Variants in MAP1LC3A observed in about 807,000 individuals in gnomAD.
The protein encoded by MAP1LC3A is microtubule-associated protein 1 light chain 3 alpha.
In MAP1LC3A, 10 loss-of-function variants were observed where a neutral mutation model predicts 15.2. The observed-to-expected ratio is 0.66, with a 90% CI of 0.41 to 1.12. The LOEUF is 1.12. MAP1LC3A is among the 50% of genes most tolerant of loss of function. The probability of loss-of-function intolerance (pLI) is 0.00; values close to 1 mark genes in which losing one functional copy is unlikely to be tolerated. For missense variants in MAP1LC3A, 138 were observed against 167.3 expected, an observed-to-expected ratio of 0.82 and a Z score of 0.97; for synonymous variants, 63 against 64.3, an observed-to-expected ratio of 0.98 and a Z score of 0.10.
In MAP1LC3A at chr20:34,559,919, G is replaced by T; in HGVS notation, c.*21G>T. The T allele has an allele frequency of 1.9e-6, 3 of 1,602,456 alleles. No individual in the cohort carries two copies. The highest frequency in any genetic ancestry group is 2.6e-6 in the Non-Finnish European group (3 of 1,174,996). Reference sequence around the variant, plus strand: ...TCTGAGCCAGCAGTAGGGGGGCTCGGCCTGGGAGTCGGGCGGCCCCGGTCA... The same window carrying T: ...TCTGAGCCAGCAGTAGGGGGGCTCGTCCTGGGAGTCGGGCGGCCCCGGTCA... On this transcript the variant is annotated 3_prime_UTR_variant, in exon 4 of 4. Transcript: ENST00000360668.
At chr20:34,553,304 T>C (rs770869347) in intron 2 of MAP1LC3A, among the ~76,000 whole-genome samples, 1 of 152,098 alleles carries the variant, frequency 6.6e-6, no homozygotes, top group Non-Finnish European at 1.5e-5. Context: ...CAGGTCAAGT[T>C]TGAGATGTCT....
rs1363899544 is a variant in MAP1LC3A, at chr20:34,549,959, C to A, written c.-19C>A. On this transcript the variant is annotated 5_prime_UTR_variant, in exon 2 of 5. Transcript: ENST00000374837. Reference sequence around the variant, plus strand: ...CCCTCCACCTCAGAGGTAGTTCTGACACTGTCTCAGTTTTGCAGATGAAGA... The same window carrying A: ...CCCTCCACCTCAGAGGTAGTTCTGAAACTGTCTCAGTTTTGCAGATGAAGA... The A allele has an allele frequency of 2.5e-6, 4 of 1,613,550 alleles. No homozygotes were observed. The African/African-American group carries it at 4.0e-5, about 16-fold the overall frequency.
Position 34,560,200 on chromosome 20 carries a change from C to G in MAP1LC3A, c.*302C>G. ...CCTGCCTGTCTGCCCATCTGCCCCT[C>G]ACCCACCCGAGGCTCTGCCCACCGC... On this transcript the variant is annotated 3_prime_UTR_variant, in exon 4 of 4. Coordinates refer to ENST00000360668, the MANE Select transcript of MAP1LC3A (RefSeq NM_032514.4). 3.1e-6 allele frequency: 1 copy of G among 327,278 alleles called. No homozygotes were observed. Among genetic ancestry groups the G allele is most frequent in the Admixed American group, 4.6e-5 (1 of 21,690 alleles). The allele number at this position is 327,278 out of a possible 1,614,324, so 20.3% of individuals were successfully genotyped here. A position where few individuals can be genotyped will look rare whatever the true frequency, so the allele number is the denominator to read the frequency against.
At chr20:34,558,233 T>C, upstream of MAP1LC3A, 1 of 982,396 alleles carries the variant, frequency 1.0e-6, no homozygotes, top group Non-Finnish European at 1.2e-6. The surrounding 1 kb of genome is among the most constrained non-coding windows in gnomAD (Gnocchi z 4.3). Flanking sequence ...ATGGCTCTAC[T>C]TTTCAATTAT....
intron 2 of MAP1LC3A, chr20:34,550,100 A>T (rs1981891998): frequency 1.8e-5 from 27 of 1,493,140 alleles, no homozygotes; most frequent in Non-Finnish European, 2.4e-5. Flanking sequence ...CGCGGTCATC[A>T]GTGGCCAAGC....
chr20:34,559,607 G>T (rs1982349906), intron 3 of MAP1LC3A, 129 bp from the exon 4 acceptor site: 1 of 1,254,144 alleles, frequency 8.0e-7, no homozygotes, highest in South Asian at 1.3e-5. Flanking sequence ...GGCTGCAGTC[G>T]GTGTTGGGTC....
chr20:34,556,210 T>C (rs1200013498), upstream of MAP1LC3A, among the ~76,000 whole-genome samples: 3 of 152,240 alleles, frequency 2.0e-5, no homozygotes, highest in Non-Finnish European at 4.4e-5. Flanking sequence ...TATATATGAC[T>C]TCATATTTAG....
intron 1 of MAP1LC3A, among the ~76,000 whole-genome samples, chr20:34,547,163 C>T (rs1049733416): frequency 2.0e-5 from 3 of 152,068 alleles, no homozygotes; most frequent in African/African-American, 4.8e-5. Flanking sequence ...TCCCTGGGGA[C>T]GCGGGCGGGG....
intron 2 of MAP1LC3A, among the ~76,000 whole-genome samples, chr20:34,550,203 C>T (rs555472148): frequency 2.1e-4 from 32 of 152,134 alleles, no homozygotes; most frequent in African/African-American, 6.7e-4. Context: ...AGCCACAGAA[C>T]GGCAGGAATG....
In MAP1LC3A at chr20:34,549,920, G is replaced by A. The variant is rs995276307; in HGVS notation, c.-58G>A. 24 of 1,518,206 alleles carry A rather than the reference G, an allele frequency of 1.6e-5. No homozygotes were observed. The Admixed American group carries it at 2.5e-4, about 16-fold the overall frequency. The allele number at this position is 1,518,206 out of a possible 1,614,324, so 94.0% of individuals were successfully genotyped here. ...TTTCCCCCAGGACTCCATGGCTTCC[G>A]AGTTGCTGACTGACCCTCCACCTCA... On this transcript the variant is annotated 5_prime_UTR_variant, in exon 2 of 5. Transcript: ENST00000374837.
chr20:34,559,287 G>GCCCCC, intron 2 of MAP1LC3A, 24 bp downstream of exon 2: 2 of 1,564,192 alleles, frequency 1.3e-6, no homozygotes, highest in Non-Finnish European at 8.7e-7. Context: ...CCCCAGCCCT[G>GCCCCC]CCCCGCCCCC....
intron 2 of MAP1LC3A, among the ~76,000 whole-genome samples, chr20:34,552,061 G>A (rs1311622792): frequency 6.6e-6 from 1 of 151,728 alleles, no homozygotes; most frequent in Non-Finnish European, 1.5e-5. Flanking sequence ...TGCAGTGTGC[G>A]ATCTCGGCTC....
Position 34,549,576 on chromosome 20 carries a change from T to C in MAP1LC3A, c.-73-329T>C, listed in dbSNP as rs750551309. On this transcript the variant is annotated intron_variant, in intron 1 of 4. Coordinates refer to the MAP1LC3A transcript ENST00000374837. The stretch of plus-strand genomic sequence containing the variant: ...TGGGGTGGCACGTTACGGCTGTGAC[T>C]GGCCCCGCCATGGGCAGTGTGCTGA... Among the ~76,000 whole-genome samples, 70 of 152,228 alleles carry C rather than the reference T, an allele frequency of 4.6e-4. 1 individual carries two copies. Among genetic ancestry groups the C allele is most frequent in the Non-Finnish European group, 9.4e-4 (64 of 68,032 alleles).
chr20:34,559,078 G>T, intron 1 of MAP1LC3A, 130 bp from the exon 2 acceptor site: 9 of 1,342,988 alleles, frequency 6.7e-6, no homozygotes, highest in Non-Finnish European at 8.6e-6. Context: ...AGGTGCCAGG[G>T]GCTGTGGGGC....
In MAP1LC3A at chr20:34,559,263, G is replaced by GGTGA; in HGVS notation, c.96+3_96+6dup. Reference sequence around the variant, plus strand: ...GCGACCAGCACCCCAGCAAAATCCCGGTGAGTCCCGCACCCCCAGCCCTGC... The same window carrying GGTGA: ...GCGACCAGCACCCCAGCAAAATCCCGGTGAGTGAGTCCCGCACCCCCAGCCCTGC... On this transcript the variant is annotated frameshift_variant and splice_region_variant. Coordinates refer to ENST00000360668, the MANE Select transcript of MAP1LC3A (RefSeq NM_032514.4). LOFTEE classifies it high-confidence loss of function. The GGTGA allele has an allele frequency of 6.2e-7, 1 of 1,603,898 alleles. No individual in the cohort carries two copies. The highest frequency in any genetic ancestry group is 8.5e-7 in the Non-Finnish European group (1 of 1,176,294).
intron 2 of MAP1LC3A, among the ~76,000 whole-genome samples, chr20:34,551,487 T>TC (rs1981948010): frequency 6.8e-6 from 1 of 147,638 alleles, no homozygotes; most frequent in Admixed American, 7.1e-5. Context: ...TTTTTTTTTT[T>TC]TTGAGTCTTG....
rs77257739 is a variant in MAP1LC3A at position 34,549,827 on chromosome 20, G to A, written c.-73-78G>A. 2.0e-4 allele frequency: 126 copies of A among 642,140 alleles called. No individual in the cohort carries two copies. In the East Asian group the frequency reaches 3.4e-3, roughly 17 times the overall value. 39.8% of individuals were successfully genotyped at this position (642,140 alleles called of 1,614,324 possible). On this transcript the variant is annotated intron_variant, in intron 1 of 4. Coordinates refer to the MAP1LC3A transcript ENST00000374837. Reference sequence around the variant, plus strand: ...AGGTGATTTCAGCACTTCTGGTTCAGCCAGTCTTCAATCTCGTCCAGAGTC... The same window carrying A: ...AGGTGATTTCAGCACTTCTGGTTCAACCAGTCTTCAATCTCGTCCAGAGTC...
intron 2 of MAP1LC3A, among the ~76,000 whole-genome samples, chr20:34,551,593 G>A (rs1981954204): frequency 1.3e-5 from 2 of 151,262 alleles, no homozygotes; most frequent in African/African-American, 4.9e-5. Flanking sequence ...GATTCAGGAG[G>A]TAGCTGGGAT....
upstream of MAP1LC3A, among the ~76,000 whole-genome samples, chr20:34,557,029 T>G (rs1365981127): frequency 2.0e-5 from 3 of 152,330 alleles, no homozygotes; most frequent in African/African-American, 4.8e-5. Context: ...TGAAGGCCTA[T>G]TTTGTCTGAG....
Sources: allele counts gnomAD v4.1 joint callset (sites outside exome capture counted in the v4.1 genomes callset), GRCh38; gene constraint gnomAD v4.1.1; non-coding constraint Gnocchi (gnomAD v3.1); transcripts MANE v1.5; gene names NCBI Gene and HGNC (gene_info 2026-07-23, HGNC 2026-07-21).